Variants in BTBD16 observed in about 807,000 individuals in gnomAD.
The protein encoded by BTBD16 is BTB domain containing 16, also known as BTB/POZ domain-containing protein 16.
BTBD16 carries 66 observed loss-of-function variants against 67.4 expected under a neutral mutation model. The ratio of observed to expected loss-of-function variants is 0.98; its 90% CI spans 0.80 to 1.20. The LOEUF (loss-of-function observed/expected upper bound fraction) is 1.20, where lower values mean the gene tolerates loss of function less well. Among genes scored for constraint, BTBD16 ranks in the 50% most tolerant of loss-of-function variants. The pLI, the probability that BTBD16 is intolerant of heterozygous loss-of-function variation, is 0.00. For missense variants in BTBD16, 634 were observed against 616.0 expected, an observed-to-expected ratio of 1.03 and a Z score of -0.31; for synonymous variants, 242 against 236.4, an observed-to-expected ratio of 1.02 and a Z score of -0.22.
At chr10:122,329,990 G>C (rs562358477) in intron 11 of BTBD16, among the ~76,000 whole-genome samples, 3 of 152,288 alleles carry the variant, frequency 2.0e-5, no homozygotes, top group Non-Finnish European at 2.9e-5. Flanking sequence ...CTGTAACTGG[G>C]AAAGAGGAGG....
intron 10 of BTBD16, among the ~76,000 whole-genome samples, chr10:122,308,012 C>T (rs2096406664): frequency 6.6e-6 from 1 of 152,198 alleles, no homozygotes. Flanking sequence ...TGTTTAGTTT[C>T]CATATAATTT....
intron 10 of BTBD16, among the ~76,000 whole-genome samples, chr10:122,317,942 C>G (rs2096428898): frequency 6.6e-6 from 1 of 152,136 alleles, no homozygotes; most frequent in Non-Finnish European, 1.5e-5. Flanking sequence ...TATAATAGTA[C>G]ATAAGCCAGT....
chr10:122,295,955 C>G (rs2096382344), intron 7 of BTBD16, among the ~76,000 whole-genome samples: 1 of 151,000 alleles, frequency 6.6e-6, no homozygotes, highest in Non-Finnish European at 1.5e-5. Flanking sequence ...CACAGAACAC[C>G]AATTTTCTTT....
chr10:122,313,438 T>C (rs966002536), intron 10 of BTBD16, among the ~76,000 whole-genome samples: 1 of 151,676 alleles, frequency 6.6e-6, no homozygotes, highest in Non-Finnish European at 1.5e-5. Flanking sequence ...CTACTTTTTG[T>C]ATTTTTAGTA....
chr10:122,277,159 T>TTTTTTTTC (rs1334243905), intron 3 of BTBD16, among the ~76,000 whole-genome samples: 20 of 83,338 alleles, frequency 2.4e-4, no homozygotes, highest in African/African-American at 8.5e-4. Context: ...AGATTGAATT[T>TTTTTTTTC]TTTTTTTTTT....
At chr10:122,308,075 G>A (rs956233138) in intron 10 of BTBD16, among the ~76,000 whole-genome samples, 10 of 152,152 alleles carry the variant, frequency 6.6e-5, no homozygotes, top group African/African-American at 2.2e-4. Context: ...AATAGCCTAT[G>A]AGACACTTTT....
intron 10 of BTBD16, among the ~76,000 whole-genome samples, chr10:122,326,261 T>A (rs1224386010): frequency 2.6e-5 from 4 of 152,158 alleles, no homozygotes; most frequent in Non-Finnish European, 5.9e-5. Flanking sequence ...TGGCGTTAAG[T>A]TTATTCGCAT....
At chr10:122,290,956 A>AGG in intron 6 of BTBD16, 124 bp from the exon 7 acceptor site, 1 of 1,364,880 alleles carries the variant, frequency 7.3e-7, no homozygotes, top group Non-Finnish European at 9.6e-7. Context: ...CATCCAGGTG[A>AGG]GAGGTGGCGC....
At chr10:122,286,422 G>C in intron 5 of BTBD16, 174 bp downstream of exon 5, 1 of 605,322 alleles carries the variant, frequency 1.7e-6, no homozygotes, top group South Asian at 7.3e-5. Flanking sequence ...GTAAAATGGG[G>C]ATAATAGTTC....
intron 10 of BTBD16, among the ~76,000 whole-genome samples, chr10:122,324,254 G>C (rs768031557): frequency 1.3e-5 from 2 of 152,204 alleles, no homozygotes; most frequent in African/African-American, 4.8e-5. Flanking sequence ...GGCTGCATGG[G>C]TGTGCACTGG....
At chr10:122,333,558 A>C (rs1273424595) in intron 13 of BTBD16, among the ~76,000 whole-genome samples, 1 of 152,170 alleles carries the variant, frequency 6.6e-6, no homozygotes, top group Non-Finnish European at 1.5e-5. Flanking sequence ...CTTCTTTGCC[A>C]AGCAGGATTG....
At chr10:122,313,515 G>A (rs1431655559) in intron 10 of BTBD16, among the ~76,000 whole-genome samples, 2 of 145,340 alleles carry the variant, frequency 1.4e-5, no homozygotes, top group Non-Finnish European at 3.0e-5. Flanking sequence ...CGCCCGCCTC[G>A]GCCTCCCAAA....
intron 15 of BTBD16, among the ~76,000 whole-genome samples, chr10:122,337,792 A>G (rs1366174779): frequency 6.6e-6 from 1 of 152,182 alleles, no homozygotes; most frequent in Non-Finnish European, 1.5e-5. Context: ...ACTTGGTGAG[A>G]ATTTATCAAG....
Position 122,312,143 on chromosome 10 carries a change from A to G in BTBD16, c.911+4835A>G, listed in dbSNP as rs551320082. 3.3e-5 allele frequency among the ~76,000 whole-genome samples: 5 copies of G among 152,284 alleles called. No homozygotes were observed. The East Asian group carries it at 5.8e-4, about 18-fold the overall frequency. ...GTAAAAACCTAGGAATAGAATTACT[A>G]TGTCATAGGGTATGGATGAGTTCAA... On this transcript the variant is annotated intron_variant, in intron 10 of 15. Coordinates refer to ENST00000260723, the MANE Select transcript of BTBD16 (RefSeq NM_144587.5).
At chr10:122,323,435 T>A (rs2096438914) in intron 10 of BTBD16, among the ~76,000 whole-genome samples, 1 of 152,170 alleles carries the variant, frequency 6.6e-6, no homozygotes, top group African/African-American at 2.4e-5. Flanking sequence ...GACAAGTAGC[T>A]TCTTGTTGCT....
intron 10 of BTBD16, among the ~76,000 whole-genome samples, chr10:122,325,066 C>T (rs536560775): frequency 6.6e-6 from 1 of 152,186 alleles, no homozygotes; most frequent in Non-Finnish European, 1.5e-5. Flanking sequence ...GACAGGACCA[C>T]ATGGGCATGG....
intron 10 of BTBD16, among the ~76,000 whole-genome samples, chr10:122,310,200 G>A (rs2096411314): frequency 6.6e-6 from 1 of 152,214 alleles, no homozygotes; most frequent in African/African-American, 2.4e-5. Context: ...TCTATTGATG[G>A]GTGGTGCCCG....
intron 3 of BTBD16, among the ~76,000 whole-genome samples, chr10:122,279,210 G>T (rs928846578): frequency 4.6e-5 from 7 of 152,066 alleles, no homozygotes; most frequent in Non-Finnish European, 8.8e-5. Context: ...GGGCATGGTG[G>T]CTCATACTTG....
At chr10:122,278,573 G>A (rs942579934) in intron 3 of BTBD16, among the ~76,000 whole-genome samples, 2 of 152,080 alleles carry the variant, frequency 1.3e-5, no homozygotes, top group Admixed American at 1.3e-4. Context: ...TTCATCTTGG[G>A]GTGTCTCAGC....
Sources: allele counts gnomAD v4.1 joint callset (sites outside exome capture counted in the v4.1 genomes callset), GRCh38; gene constraint gnomAD v4.1.1; transcripts MANE v1.5; gene names NCBI Gene and HGNC (gene_info 2026-07-23, HGNC 2026-07-21).